The following CNTN4 variants were observed in gnomAD, a reference collection of about 807,000 sequenced individuals.
CNTN4 encodes contactin 4, also known as contactin-4.
A neutral mutation model predicts 122.5 loss-of-function variants in CNTN4; 77 were observed. The ratio of observed to expected loss-of-function variants is 0.63; its 90% CI spans 0.52 to 0.76. The LOEUF is 0.76. Among genes scored for constraint, CNTN4 ranks in the 30% least tolerant of loss-of-function variants. The pLI is 0.00. For synonymous variants in CNTN4, 512 were observed against 447.0 expected (o/e 1.15, Z -1.83); for missense variants, 1,256 against 1,259.1 (o/e 1.00, Z 0.04).
At chr3:2,340,704 T>G (rs868069907) in intron 3 of CNTN4, among the ~76,000 whole-genome samples, 1,112 of 17,520 alleles carry the variant, frequency 0.063, 20 homozygotes, top group East Asian at 0.19. Context: ...TATATATATA[T>G]ATATATAGAG....
intron 3 of CNTN4, among the ~76,000 whole-genome samples, chr3:2,376,470 C>T (rs985768229): frequency 6.6e-6 from 1 of 152,124 alleles, no homozygotes; most frequent in Non-Finnish European, 1.5e-5. Flanking sequence ...AAAGAATTCA[C>T]AGAGGCGGTA....
chr3:2,781,917 G>T (rs539612269), intron 6 of CNTN4, among the ~76,000 whole-genome samples: 2 of 136,586 alleles, frequency 1.5e-5, no homozygotes, highest in Non-Finnish European at 3.2e-5. Context: ...TAGAGACGGG[G>T]CTTCACCGTG....
chr3:2,483,840 A>G (rs2076073341), intron 3 of CNTN4, among the ~76,000 whole-genome samples: 1 of 152,152 alleles, frequency 6.6e-6, no homozygotes, highest in Non-Finnish European at 1.5e-5. Context: ...AGTCTCAGGT[A>G]TTTCTTCATA....
At chr3:2,945,894 A>G (rs1327752783) in intron 13 of CNTN4, among the ~76,000 whole-genome samples, 2 of 152,204 alleles carry the variant, frequency 1.3e-5, no homozygotes. Flanking sequence ...TATGCATTCA[A>G]ATTCATTTGG....
intron 2 of CNTN4, among the ~76,000 whole-genome samples, chr3:2,195,089 T>G (rs530651136): frequency 6.6e-6 from 1 of 152,330 alleles, no homozygotes; most frequent in Admixed American, 6.5e-5. Context: ...TTGCAGTCTC[T>G]GGGAGCTATC....
chr3:2,576,393 G>A (rs2079685757), intron 4 of CNTN4, among the ~76,000 whole-genome samples: 2 of 152,216 alleles, frequency 1.3e-5, no homozygotes, highest in East Asian at 1.9e-4. Flanking sequence ...CAACTCTATG[G>A]ACTAGCAATA....
chr3:2,816,571 C>T (rs1019991872), intron 6 of CNTN4, among the ~76,000 whole-genome samples: 14 of 151,654 alleles, frequency 9.2e-5, no homozygotes, highest in African/African-American at 2.4e-4. Context: ...GCCTGTAATT[C>T]CAGCACTTTT....
At chr3:2,529,115 C>G (rs2077503996) in intron 3 of CNTN4, among the ~76,000 whole-genome samples, 1 of 152,094 alleles carries the variant, frequency 6.6e-6, no homozygotes, top group Non-Finnish European at 1.5e-5. Flanking sequence ...TCTCCCCACT[C>G]TTCCCAGCCT....
chr3:2,785,146 T>TAC (rs1373817502), intron 6 of CNTN4, among the ~76,000 whole-genome samples: 1 of 150,920 alleles, frequency 6.6e-6, no homozygotes, highest in African/African-American at 2.4e-5. Context: ...CACATATATA[T>TAC]AGAGAGAGAG....
At chr3:2,913,076 C>T (rs1188279582) in intron 12 of CNTN4, among the ~76,000 whole-genome samples, 10 of 152,136 alleles carry the variant, frequency 6.6e-5, no homozygotes, top group Non-Finnish European at 1.2e-4. Context: ...CACTTAAACC[C>T]GAGAGGCGGA....
chr3:2,397,873 G>A (rs1048418147), intron 3 of CNTN4, among the ~76,000 whole-genome samples: 1 of 152,140 alleles, frequency 6.6e-6, no homozygotes, highest in African/African-American at 2.4e-5. Flanking sequence ...CAACCCCAGT[G>A]CTCTTTGACT....
At chr3:2,814,311 A>G (rs1384340471) in intron 6 of CNTN4, among the ~76,000 whole-genome samples, 3 of 152,272 alleles carry the variant, frequency 2.0e-5, no homozygotes, top group South Asian at 2.1e-4. Context: ...CTTGTTTTAC[A>G]TACACATTAT....
intron 2 of CNTN4, among the ~76,000 whole-genome samples, chr3:2,170,770 T>C (rs576050183): frequency 1.4e-4 from 21 of 152,270 alleles, no homozygotes; most frequent in Admixed American, 8.5e-4. Flanking sequence ...TAAAATGTAC[T>C]GTCAGTAAAA....
At chr3:2,744,118 T>TTTGGTTAA (rs1175316926) in intron 5 of CNTN4, among the ~76,000 whole-genome samples, 1 of 152,194 alleles carries the variant, frequency 6.6e-6, no homozygotes, top group Non-Finnish European at 1.5e-5. Context: ...CTTAATCATC[T>TTTGGTTAA]TTGGTTAATT....
chr3:2,277,563 A>G lies in CNTN4; in HGVS notation c.-144-61615A>G, dbSNP rs2041562784. The stretch of plus-strand genomic sequence containing the variant: ...CCCTCTTGCCAACGTTCACAGCTGG[A>G]CATCTTTGTCCATCTTTCAGGTACT... On this transcript the variant is annotated intron_variant, in intron 2 of 24. Transcript: ENST00000418658. Among the ~76,000 whole-genome samples, 3 of 152,090 alleles carry G rather than the reference A, an allele frequency of 2.0e-5. No homozygotes were observed. In the South Asian group the frequency reaches 6.2e-4, roughly 32 times the overall value.
At chr3:2,554,719 A>C (rs2078650984) in intron 3 of CNTN4, among the ~76,000 whole-genome samples, 1 of 152,192 alleles carries the variant, frequency 6.6e-6, no homozygotes, top group Admixed American at 6.5e-5. Context: ...GATGTGTTCC[A>C]ATATTACTTA....
At chr3:2,166,120 A>G (rs566229872) in intron 2 of CNTN4, among the ~76,000 whole-genome samples, 1 of 152,078 alleles carries the variant, frequency 6.6e-6, no homozygotes, top group African/African-American at 2.4e-5. Context: ...TTTTTGAGGA[A>G]TCTTTACTGT....
chr3:2,667,773 G>C (rs6805415), intron 4 of CNTN4, among the ~76,000 whole-genome samples: 1 of 138,850 alleles, frequency 7.2e-6, no homozygotes, highest in Admixed American at 7.3e-5. Flanking sequence ...TTTGTATAAG[G>C]TGTAAGGAAG....
intron 3 of CNTN4, among the ~76,000 whole-genome samples, chr3:2,454,956 G>T (rs953841079): frequency 6.6e-6 from 1 of 152,154 alleles, no homozygotes; most frequent in Non-Finnish European, 1.5e-5. Flanking sequence ...AGAGCTAAAA[G>T]ATAAAAGAGT....
Sources: allele counts gnomAD v4.1 joint callset (sites outside exome capture counted in the v4.1 genomes callset), GRCh38; gene constraint gnomAD v4.1.1; transcripts MANE v1.5; gene names NCBI Gene and HGNC (gene_info 2026-07-23, HGNC 2026-07-21).